CSMD1: variants seen among roughly 807,000 people sequenced by gnomAD.
CSMD1 encodes CUB and sushi domain-containing protein 1.
Under a neutral mutation model 417.5 loss-of-function variants are expected in CSMD1, and 213 were observed. The ratio of observed to expected loss-of-function variants is 0.51; its 90% CI spans 0.46 to 0.57. The LOEUF (loss-of-function observed/expected upper bound fraction) is 0.57. Ranked by LOEUF, CSMD1 falls within the 20% of genes least tolerant of loss-of-function variation. The pLI is 0.00. For missense variants in CSMD1, 6,923 were observed against 4,529.7 expected (o/e 1.53, Z -15.17); for synonymous variants, 2,862 against 1,736.8 (o/e 1.65, Z -16.11).
rs190774632 is a variant in CSMD1 at position 3,504,814 on chromosome 8, G to C, written c.1345-11088C>G. 2.7e-3 allele frequency among the ~76,000 whole-genome samples: 413 copies of C among 152,258 alleles called. 3 individuals are homozygous for C. The highest frequency in any genetic ancestry group is 0.014 in the South Asian group (69 of 4,824). On this transcript the variant is annotated intron_variant, in intron 10 of 69. Coordinates refer to ENST00000635120, the MANE Select transcript of CSMD1 (RefSeq NM_033225.6). ...TGTGGATGCTTGAGGAGTAAGGTGA[G>C]ATTCATTAAATTTCAAGAGAGTAGC...
At chr8:4,983,037 T>C (rs934026206) in intron 1 of CSMD1, among the ~76,000 whole-genome samples, 7 of 152,280 alleles carry the variant, frequency 4.6e-5, no homozygotes, top group African/African-American at 1.7e-4. Context: ...CAAGCTCTAA[T>C]ATTAAATTAT....
intron 3 of CSMD1, among the ~76,000 whole-genome samples, chr8:4,182,302 C>T (rs913141458): frequency 6.6e-6 from 1 of 152,072 alleles, no homozygotes. Flanking sequence ...AAGTTCTAAG[C>T]TTGCCCTTGG....
At chr8:3,728,303 C>G (rs190542637) in intron 6 of CSMD1, among the ~76,000 whole-genome samples, 1 of 152,124 alleles carries the variant, frequency 6.6e-6, no homozygotes, top group South Asian at 2.1e-4. Context: ...CTTCCTTCAT[C>G]TTCCACCATG....
intron 3 of CSMD1, among the ~76,000 whole-genome samples, chr8:4,057,761 G>A (rs559775164): frequency 6.6e-6 from 1 of 152,148 alleles, no homozygotes; most frequent in South Asian, 2.1e-4. Flanking sequence ...TGGCTAGCCA[G>A]TTTTCCCAGC....
intron 57 of CSMD1, 82 bp downstream of exon 57, chr8:2,973,035 T>A (rs371937527): frequency 8.2e-6 from 11 of 1,338,776 alleles, no homozygotes; most frequent in Middle Eastern, 2.0e-4. Flanking sequence ...TCTAGAATTT[T>A]TGTAGAATTT....
At chr8:3,859,605 A>G (rs1585101519) in intron 5 of CSMD1, among the ~76,000 whole-genome samples, 1 of 152,132 alleles carries the variant, frequency 6.6e-6, no homozygotes, top group Non-Finnish European at 1.5e-5. Flanking sequence ...CAACCATGTT[A>G]TTTATGGTGG....
At chr8:3,318,030 G>T (rs925818468) in intron 23 of CSMD1, among the ~76,000 whole-genome samples, 1 of 152,074 alleles carries the variant, frequency 6.6e-6, no homozygotes, top group Admixed American at 6.6e-5. Context: ...CAAAACCCTG[G>T]GTTCAAGTGA....
At chr8:4,224,038 C>G (rs548924048) in intron 3 of CSMD1, among the ~76,000 whole-genome samples, 1 of 152,076 alleles carries the variant, frequency 6.6e-6, no homozygotes, top group East Asian at 1.9e-4. Context: ...TTTAACAAAA[C>G]ATGCATACGT....
intron 3 of CSMD1, among the ~76,000 whole-genome samples, chr8:4,384,087 G>A (rs916057831): frequency 3.3e-5 from 5 of 152,036 alleles, no homozygotes; most frequent in Non-Finnish European, 7.4e-5. Context: ...ATGGAATGGT[G>A]TTCCTGTCAC....
chr8:3,867,636 T>C (rs990858651), intron 5 of CSMD1, among the ~76,000 whole-genome samples: 2 of 152,096 alleles, frequency 1.3e-5, no homozygotes, highest in Non-Finnish European at 2.9e-5. Flanking sequence ...TATTTATATA[T>C]CTATATCTAT....
chr8:3,014,346 G>C (rs78202746), intron 52 of CSMD1, among the ~76,000 whole-genome samples: 1 of 152,292 alleles, frequency 6.6e-6, no homozygotes, highest in East Asian at 1.9e-4. Context: ...TGAAGAATAT[G>C]CTTGGGTATC....
chr8:4,201,302 GC>G (rs1323703358), intron 3 of CSMD1, among the ~76,000 whole-genome samples: 1 of 152,076 alleles, frequency 6.6e-6, no homozygotes, highest in Non-Finnish European at 1.5e-5. Flanking sequence ...ACTTTGGGAG[GC>G]CGAGGCGGGC....
chr8:4,777,849 A>C (rs1796945495), intron 1 of CSMD1, among the ~76,000 whole-genome samples: 1 of 152,218 alleles, frequency 6.6e-6, no homozygotes, highest in South Asian at 2.1e-4. Context: ...AACTAACGGC[A>C]ACTATGCACT....
chr8:4,131,031 C>G (rs2407303), intron 3 of CSMD1, among the ~76,000 whole-genome samples: 64,756 of 151,880 alleles, frequency 0.43, 13,894 homozygotes, highest in African/African-American at 0.44. Flanking sequence ...TCCACTGGCT[C>G]AAGCGTGATT....
intron 7 of CSMD1, among the ~76,000 whole-genome samples, chr8:3,649,217 A>G (rs916149111): frequency 2.6e-5 from 4 of 152,126 alleles, no homozygotes; most frequent in African/African-American, 9.7e-5. Flanking sequence ...GTCTTCCGAT[A>G]TTTTCCCTGC....
intron 3 of CSMD1, among the ~76,000 whole-genome samples, chr8:4,156,730 C>G: frequency 6.6e-6 from 1 of 152,068 alleles, no homozygotes; most frequent in Admixed American, 6.6e-5. Context: ...TGCAGTGGGG[C>G]CAGTGACAGC....
chr8:4,624,509 G>T (rs1801983130), intron 2 of CSMD1, among the ~76,000 whole-genome samples: 1 of 152,092 alleles, frequency 6.6e-6, no homozygotes, highest in Admixed American at 6.6e-5. Context: ...CTGCTACACA[G>T]GTGCATTGCC....
At chr8:4,140,617 A>C (rs377755374) in intron 3 of CSMD1, among the ~76,000 whole-genome samples, 1 of 150,968 alleles carries the variant, frequency 6.6e-6, no homozygotes, top group Non-Finnish European at 1.5e-5. Flanking sequence ...GCAGTGAGCC[A>C]TGATTGCGCC....
At chr8:4,371,950 C>T (rs912607402) in intron 3 of CSMD1, among the ~76,000 whole-genome samples, 15 of 152,088 alleles carry the variant, frequency 9.9e-5, no homozygotes, top group African/African-American at 2.9e-4. Context: ...GTGGTAGCTC[C>T]GCTAATATAA....
Sources: allele counts gnomAD v4.1 joint callset (sites outside exome capture counted in the v4.1 genomes callset), GRCh38; gene constraint gnomAD v4.1.1; transcripts MANE v1.5; gene names NCBI Gene and HGNC (gene_info 2026-07-23, HGNC 2026-07-21).